The following POMGNT1 variants were observed in gnomAD, a reference collection of about 807,000 sequenced individuals.
POMGNT1 encodes protein O-linked-mannose beta-1,2-N-acetylglucosaminyltransferase 1.
In POMGNT1, 67 loss-of-function variants were observed where a neutral mutation model predicts 95.6. That is an observed-to-expected ratio of 0.70 (90% CI 0.58 to 0.86). POMGNT1 has a LOEUF of 0.86. POMGNT1 is among the 40% of genes least tolerant of loss of function. The pLI is 0.00. For synonymous variants in POMGNT1, 298 were observed against 317.9 expected (o/e 0.94, Z 0.66); for missense variants, 719 against 855.2 (o/e 0.84, Z 1.99).
At chr1:46,201,917 G>T (rs1658544818), upstream of POMGNT1, among the ~76,000 whole-genome samples, 1 of 150,532 alleles carries the variant, frequency 6.6e-6, no homozygotes, top group South Asian at 2.1e-4. Flanking sequence ...GATTGCTTGA[G>T]CCCAGGAGTT....
At chr1:46,201,128 C>G (rs1658520173), upstream of POMGNT1, among the ~76,000 whole-genome samples, 1 of 151,180 alleles carries the variant, frequency 6.6e-6, no homozygotes, top group Non-Finnish European at 1.5e-5. Context: ...CGGACTCTGT[C>G]TCAAAAAAAA....
Position 46,218,245 on chromosome 1 carries a change from C to T in POMGNT1, c.-51+1460G>A, listed in dbSNP as rs139419121. On this transcript the variant is annotated intron_variant, in intron 1 of 22. Transcript: ENST00000371992. ...TGTCTGTACAAAAAATAAAATTAGC[C>T]AGGTGTGGTGCACGCCTGTGGTCTT... Among the ~76,000 whole-genome samples the T allele has an allele frequency of 4.1e-3, 623 of 152,158 alleles. 7 individuals are homozygous for T. The highest frequency in any genetic ancestry group is 0.014 in the African/African-American group (585 of 41,524).
exon 1 of POMGNT1, chr1:46,220,069 C>T: frequency 6.2e-7 from 1 of 1,614,206 alleles, no homozygotes; most frequent in Non-Finnish European, 8.5e-7. Flanking sequence ...GTGGCAGCCA[C>T]CAGGCTAGGG....
In POMGNT1 at chr1:46,196,325, C is replaced by T. The variant is rs934113974; in HGVS notation, c.355-248G>A. 7.2e-5 allele frequency among the ~76,000 whole-genome samples: 11 copies of T among 152,216 alleles called. No homozygotes were observed. Among genetic ancestry groups the T allele is most frequent in the Admixed American group, 6.5e-4 (10 of 15,276 alleles). The stretch of plus-strand genomic sequence containing the variant: ...ACTTTCATGGCTCTTAGAGCCTCTG[C>T]TGTCTCTGCTTCATCCTGGAAGTAT... On this transcript the variant is annotated intron_variant, in intron 4 of 21. Coordinates refer to ENST00000371984, the MANE Select transcript of POMGNT1 (RefSeq NM_017739.4). This position sits in a 1 kb window ranked among gnomAD's most constrained non-coding sequence, Gnocchi z 4.4.
chr1:46,207,524 TTTTCTTTC>T (rs202035398), intron 1 of POMGNT1, among the ~76,000 whole-genome samples: 23 of 151,846 alleles, frequency 1.5e-4, no homozygotes, highest in Non-Finnish European at 3.2e-4. Context: ...CACACTGAAC[TTTTCTTTC>T]TTTCTTTCTT....
At chr1:46,195,047 T>C in intron 6 of POMGNT1, 86 bp from the exon 7 acceptor site, 1 of 1,147,942 alleles carries the variant, frequency 8.7e-7, no homozygotes, top group Non-Finnish European at 1.3e-6. Context: ...TAGCAACCTT[T>C]TACTTAAAAT....
At chr1:46,210,548 G>A (rs1034166724) in intron 1 of POMGNT1, among the ~76,000 whole-genome samples, 29 of 152,114 alleles carry the variant, frequency 1.9e-4, no homozygotes, top group Non-Finnish European at 2.6e-4. Flanking sequence ...GCTTCAAATT[G>A]GGGTTCCTAT....
intron 1 of POMGNT1, 78 bp from the exon 2 acceptor site, chr1:46,197,949 C>G: frequency 7.3e-7 from 1 of 1,362,664 alleles, no homozygotes; most frequent in Admixed American, 2.0e-5. Context: ...GAGGGAGGAC[C>G]TCCCAGCAAC....
At chr1:46,197,943 G>T in intron 1 of POMGNT1, 72 bp from the exon 2 acceptor site, 2 of 1,460,698 alleles carry the variant, frequency 1.4e-6, no homozygotes, top group South Asian at 1.2e-5. Flanking sequence ...GGAGATGAGG[G>T]AGGACCTCCC....
chr1:46,195,085 C>G, intron 6 of POMGNT1, 124 bp from the exon 7 acceptor site: 1 of 843,766 alleles, frequency 1.2e-6, no homozygotes, highest in Non-Finnish European at 2.0e-6. Context: ...CAATAACCCT[C>G]TATGGTTACT....
rs781141156 is a variant in POMGNT1 at position 46,194,344 on chromosome 1, C to T, written c.809G>A (p.Ser270Asn). The T allele has an allele frequency of 1.2e-6, 2 of 1,614,240 alleles. No homozygotes were observed. Among genetic ancestry groups the T allele is most frequent in the East Asian group, 2.2e-5 (1 of 44,880 alleles). ...ELNRRRRRFC[S>N]KVEGYGSVCS... Reference sequence around the variant, plus strand: ...TACACTTCCATAGCCCTCAACTTTGCTGCAGAAGCGCCGGCGGCGACGGTT... The same window carrying T: ...TACACTTCCATAGCCCTCAACTTTGTTGCAGAAGCGCCGGCGGCGACGGTT... The change falls in exon 9 of 22, where the codon AGC (serine) becomes AAC (asparagine). Residue 270 changes from serine (S) to asparagine (N), a missense_variant. By Grantham distance (46) the Ser-to-Asn change is conservative (BLOSUM62 1). Around this residue, in one of 5 missense-constraint regions of POMGNT1, gnomAD observed 466 missense variants for 517.4 expected, o/e 0.90. Transcript: ENST00000371984.
At chr1:46,203,345 G>A, upstream of POMGNT1, 1 of 1,333,906 alleles carries the variant, frequency 7.5e-7, no homozygotes, top group Non-Finnish European at 9.9e-7. Context: ...GTTTTGCTCC[G>A]CTTTAGCAGC....
intron 13 of POMGNT1, 36 bp downstream of exon 13, chr1:46,193,138 C>A (rs573421657): frequency 6.7e-5 from 108 of 1,613,812 alleles, no homozygotes; most frequent in Middle Eastern, 1.7e-4. Context: ...ATGTTTCCCC[C>A]CTCCCAGGCC....
chr1:46,191,546 ACC>A, intron 17 of POMGNT1: 1 of 192,520 alleles, frequency 5.2e-6, no homozygotes, highest in Non-Finnish European at 1.1e-5. Context: ...ATACCAGCTG[ACC>A]CTTATATATG....
chr1:46,198,668 C>T (rs1394205667), upstream of POMGNT1, among the ~76,000 whole-genome samples: 1 of 152,180 alleles, frequency 6.6e-6, no homozygotes, highest in Non-Finnish European at 1.5e-5. Flanking sequence ...TCCCCAGCAC[C>T]GCCGATGGCA....
chr1:46,203,384 C>T, upstream of POMGNT1: 1 of 1,429,428 alleles, frequency 7.0e-7, no homozygotes, highest in Non-Finnish European at 9.2e-7. Flanking sequence ...GGGAGCCGGT[C>T]CCCGGCGTCC....
intron 17 of POMGNT1, chr1:46,191,575 C>T (rs1033774073): frequency 4.6e-6 from 1 of 216,506 alleles, no homozygotes; most frequent in Non-Finnish European, 9.3e-6. Context: ...ATTCAAAGCA[C>T]TTTACATATA....
chr1:46,192,809 TC>T (rs1318172891), intron 14 of POMGNT1, 90 bp downstream of exon 14: 55 of 1,596,692 alleles, frequency 3.4e-5, no homozygotes, highest in Non-Finnish European at 4.4e-5. Context: ...ACTTGTGAGC[TC>T]ATGTCCTCCA....
At chr1:46,216,449 C>G (rs908914233) in intron 1 of POMGNT1, among the ~76,000 whole-genome samples, 1 of 152,166 alleles carries the variant, frequency 6.6e-6, no homozygotes, top group Non-Finnish European at 1.5e-5. Flanking sequence ...TCAAGCAATC[C>G]TCTCACCTCA....
Sources: allele counts gnomAD v4.1 joint callset (sites outside exome capture counted in the v4.1 genomes callset), GRCh38; gene constraint gnomAD v4.1.1; regional missense constraint gnomAD v4.1.1; non-coding constraint Gnocchi (gnomAD v3.1); transcripts MANE v1.5; gene names NCBI Gene and HGNC (gene_info 2026-07-23, HGNC 2026-07-21).